The following BABAM2 variants were observed in gnomAD, a reference collection of about 807,000 sequenced individuals.
BABAM2 encodes BRISC and BRCA1-A complex member 2.
A neutral mutation model predicts 54.7 loss-of-function variants in BABAM2; 31 were observed. The observed-to-expected ratio is 0.57, with a 90% CI of 0.43 to 0.77. The LOEUF (loss-of-function observed/expected upper bound fraction) is 0.77. BABAM2 is among the 30% of genes least tolerant of loss of function. The pLI, the probability that BABAM2 is intolerant of heterozygous loss-of-function variation, is 0.00. For synonymous variants in BABAM2, 167 were observed against 162.9 expected, an observed-to-expected ratio of 1.03 and a Z score of -0.19; for missense variants, 364 against 455.8, an observed-to-expected ratio of 0.80 and a Z score of 1.83.
chr2:28,143,109 A>G (rs894757104), intron 7 of BABAM2, among the ~76,000 whole-genome samples: 3 of 151,726 alleles, frequency 2.0e-5, no homozygotes, highest in African/African-American at 7.3e-5. Context: ...TAGGGAAACA[A>G]CCTAATTGTC....
chr2:28,003,983 A>G (rs1673762707), intron 4 of BABAM2, among the ~76,000 whole-genome samples: 1 of 152,108 alleles, frequency 6.6e-6, no homozygotes, highest in Non-Finnish European at 1.5e-5. Flanking sequence ...TCATATAGCA[A>G]TGAGGTTTTG....
chr2:28,165,478 TA>T, intron 7 of BABAM2, among the ~76,000 whole-genome samples: 1 of 150,402 alleles, frequency 6.6e-6, no homozygotes, highest in African/African-American at 2.4e-5. Context: ...GAGTATGTCT[TA>T]GAGAAAATGG....
At chr2:28,237,091 A>G in intron 7 of BABAM2, 111 bp from the exon 8 acceptor site, 2 of 761,340 alleles carry the variant, frequency 2.6e-6, no homozygotes, top group Non-Finnish European at 4.6e-6. Flanking sequence ...TCATTAACCT[A>G]GGCAGTTGGT....
chr2:27,928,537 A>C (rs1264157314), intron 2 of BABAM2, among the ~76,000 whole-genome samples: 1 of 152,128 alleles, frequency 6.6e-6, no homozygotes, highest in Non-Finnish European at 1.5e-5. Context: ...TTAAAGCCAA[A>C]ATTTTTTGAA....
At chr2:27,913,313 C>T (rs1666738534) in intron 2 of BABAM2, among the ~76,000 whole-genome samples, 1 of 152,056 alleles carries the variant, frequency 6.6e-6, no homozygotes, top group African/African-American at 2.4e-5. Context: ...AGAACTGGTC[C>T]ATGGACCTGC....
intron 10 of BABAM2, among the ~76,000 whole-genome samples, chr2:28,261,328 ATT>A (rs70956010): frequency 4.8e-4 from 65 of 136,708 alleles, no homozygotes; most frequent in South Asian, 2.1e-3. Flanking sequence ...ATTACTTAGA[ATT>A]TTTTTTTTTT....
chr2:27,916,989 C>G (rs925803063), intron 2 of BABAM2, among the ~76,000 whole-genome samples: 22 of 145,776 alleles, frequency 1.5e-4, no homozygotes, highest in African/African-American at 5.3e-4. Context: ...CTTTGTGTAA[C>G]TCTTATAGCA....
At chr2:27,988,278 C>A (rs1484046016) in intron 4 of BABAM2, among the ~76,000 whole-genome samples, 191 bp downstream of exon 4, 6 of 151,906 alleles carry the variant, frequency 3.9e-5, no homozygotes, top group Non-Finnish European at 7.4e-5. Flanking sequence ...TTTTTCATTG[C>A]TGTTTAGTTT....
At chr2:28,005,032 AC>A (rs1673859623) in intron 4 of BABAM2, among the ~76,000 whole-genome samples, 1 of 152,276 alleles carries the variant, frequency 6.6e-6, no homozygotes, top group East Asian at 1.9e-4. Context: ...ACTTTCAACT[AC>A]TATCTAGGTT....
At chr2:27,903,630 C>T (rs936628273) in intron 2 of BABAM2, among the ~76,000 whole-genome samples, 2 of 152,176 alleles carry the variant, frequency 1.3e-5, no homozygotes, top group Non-Finnish European at 2.9e-5. Context: ...ATGCCTGAAA[C>T]CTCTGATGGA....
intron 6 of BABAM2, among the ~76,000 whole-genome samples, chr2:28,055,581 A>G (rs1678340821): frequency 6.6e-6 from 1 of 152,172 alleles, no homozygotes; most frequent in Non-Finnish European, 1.5e-5. Context: ...TGGTATATAT[A>G]TTTTCTTAGT....
intron 3 of BABAM2, among the ~76,000 whole-genome samples, chr2:27,961,512 AAGCT>A (rs958742352): frequency 3.9e-5 from 6 of 152,170 alleles, no homozygotes; most frequent in African/African-American, 7.2e-5. Context: ...AGGCTAGGTT[AAGCT>A]ATGATGTTCA....
chr2:27,904,254 T>C (rs577820408), intron 2 of BABAM2, among the ~76,000 whole-genome samples: 8 of 152,350 alleles, frequency 5.3e-5, no homozygotes, highest in Admixed American at 3.9e-4. Flanking sequence ...AGGGTCAGGG[T>C]AGGCCAAGGG....
chr2:28,282,850 T>A, intron 10 of BABAM2, among the ~76,000 whole-genome samples: 1 of 151,412 alleles, frequency 6.6e-6, no homozygotes, highest in Non-Finnish European at 1.5e-5. Context: ...ATACAAAAAA[T>A]TAGCTGGGCA....
At chr2:28,256,284 G>A (rs1573942614) in intron 10 of BABAM2, among the ~76,000 whole-genome samples, 1 of 152,124 alleles carries the variant, frequency 6.6e-6, no homozygotes, top group South Asian at 2.1e-4. Context: ...TGAGATATGG[G>A]CAACACTTAC....
chr2:28,297,651 G>A (rs10200882), intron 10 of BABAM2, among the ~76,000 whole-genome samples: 3,189 of 152,248 alleles, frequency 0.021, 77 homozygotes, highest in African/African-American at 0.054. Context: ...TACCTTATGC[G>A]TTCCATTAAG....
At chr2:28,005,889 A>T (rs1247993311) in intron 4 of BABAM2, among the ~76,000 whole-genome samples, 1 of 152,146 alleles carries the variant, frequency 6.6e-6, no homozygotes, top group Non-Finnish European at 1.5e-5. Flanking sequence ...ATGACACTTC[A>T]TCTGTAAATA....
intron 4 of BABAM2, among the ~76,000 whole-genome samples, chr2:28,018,724 C>T (rs1039893831): frequency 3.9e-5 from 6 of 151,982 alleles, no homozygotes; most frequent in Non-Finnish European, 5.9e-5. Context: ...TATTGTGTTA[C>T]GGTTTTGATT....
intron 10 of BABAM2, among the ~76,000 whole-genome samples, chr2:28,296,489 G>A (rs571645829): frequency 6.6e-6 from 1 of 152,180 alleles, no homozygotes; most frequent in South Asian, 2.1e-4. Flanking sequence ...AGAGTCAAGT[G>A]CACTCCGAGT....
Sources: gnomAD v4.1 joint callset for allele counts (sites outside exome capture counted in the v4.1 genomes callset) on GRCh38, gnomAD v4.1.1 for gene constraint, MANE v1.5 for transcripts, NCBI Gene and HGNC (gene_info 2026-07-23, HGNC 2026-07-21) for gene names.